The following TEP1 variants were observed in gnomAD, a reference collection of about 807,000 sequenced individuals.
TEP1 encodes the protein telomerase protein component 1.
In TEP1, 241 loss-of-function variants were observed where a neutral mutation model predicts 306.3. That is an observed-to-expected ratio of 0.79 (90% CI 0.71 to 0.88). TEP1 has a LOEUF of 0.88. TEP1 is among the 40% of genes least tolerant of loss of function. The probability of loss-of-function intolerance (pLI) is 0.00; values close to 1 mark genes in which losing one functional copy is unlikely to be tolerated. For missense variants in TEP1, 3,051 were observed against 3,276.1 expected (o/e 0.93, Z 1.68); for synonymous variants, 1,289 against 1,305.5 (o/e 0.99, Z 0.27).
rs761958847 is a variant in TEP1 at position 20,378,827 on chromosome 14, T to C, written c.5279A>G (p.Tyr1760Cys). The C allele has an allele frequency of 1.2e-6, 2 of 1,614,160 alleles. No individual in the cohort carries two copies. The highest frequency in any genetic ancestry group is 1.7e-6 in the Non-Finnish European group (2 of 1,180,014). ...GCTCAGGCAGCAGCCAGTGATTTGGTACTGGTGAGCCTTAGTCTGCAGCAC... is the reference window on the plus strand; with the variant it reads ...GCTCAGGCAGCAGCCAGTGATTTGGCACTGGTGAGCCTTAGTCTGCAGCAC... ...CRVLQTKAHQ[Y>C]QITGCCLSPD... The change falls in exon 37 of 55, where the codon TAC becomes TGC. Residue 1760 changes from tyrosine to cysteine, a missense_variant. Tyr to Cys is a radical substitution (Grantham distance 194, BLOSUM62 -2). Transcript: ENST00000262715.
chr14:20,380,486 G>T lies in TEP1; in HGVS notation c.4763-11C>A, dbSNP rs760908880. Reference sequence around the variant, plus strand: ...TGGGGACTGAAGAAGCTATAAAAGGGTGGCAGAATGTCACTGGGGAGCCAG... The same window carrying T: ...TGGGGACTGAAGAAGCTATAAAAGGTTGGCAGAATGTCACTGGGGAGCCAG... On this transcript the variant is annotated splice_polypyrimidine_tract_variant and intron_variant, in intron 33 of 54. Transcript: ENST00000262715. 1.1e-5 allele frequency: 17 copies of T among 1,604,596 alleles called. No homozygotes were observed. Among genetic ancestry groups the T allele is most frequent in the Non-Finnish European group, 1.4e-5 (16 of 1,176,674 alleles).
chr14:20,405,304 C>A, intron 4 of TEP1, 147 bp downstream of exon 4: 1 of 1,076,094 alleles, frequency 9.3e-7, no homozygotes, highest in Non-Finnish European at 1.3e-6. Flanking sequence ...ACCACAGGGA[C>A]TAGGCCGCAG....
chr14:20,373,974 G>T (rs1448444108), intron 44 of TEP1, among the ~76,000 whole-genome samples, 164 bp from the exon 45 acceptor site: 1 of 152,178 alleles, frequency 6.6e-6, no homozygotes, highest in Non-Finnish European at 1.5e-5. Context: ...GTGGGGTCGG[G>T]TGGCTCAAGT....
Position 20,379,060 on chromosome 14 carries a change from A to C in TEP1, c.5173T>G (p.Leu1725Val), listed in dbSNP as rs1276001956. The C allele has an allele frequency of 6.2e-7, 1 of 1,614,114 alleles. No homozygotes were observed. The highest frequency in any genetic ancestry group is 1.1e-5 in the South Asian group (1 of 91,078). The stretch of plus-strand genomic sequence containing the variant: ...AAGAGTGTATCATCGGAGAGGAACA[A>C]ACAAGCAGAGATTCCATCACAGCCA... ...VSGCDGISAC[L>V]FLSDDTLFLT... The change falls in exon 36 of 55, where the codon TTG becomes GTG. Residue 1725 changes from leucine (L) to valine (V), a missense_variant. Physicochemically the swap from Leu to Val is conservative, Grantham distance 32. Transcript: ENST00000262715.
At chr14:20,407,750 G>T (rs1879292963) in intron 2 of TEP1, 123 bp downstream of exon 2, 7 of 878,682 alleles carry the variant, frequency 8.0e-6, no homozygotes, top group Non-Finnish European at 1.3e-5. Flanking sequence ...CTTAGGAGAG[G>T]CTCTGAGGAG....
Position 20,384,245 on chromosome 14 carries a change from G to A in TEP1, c.3340-13C>T, listed in dbSNP as rs201452233. The A allele has an allele frequency of 3.7e-6, 6 of 1,612,814 alleles. No individual in the cohort carries two copies. In the East Asian group the frequency reaches 1.3e-4, roughly 36 times the overall value. On this transcript the variant is annotated splice_polypyrimidine_tract_variant and intron_variant, in intron 23 of 54. Coordinates refer to ENST00000262715, the MANE Select transcript of TEP1 (RefSeq NM_007110.5). ...GCAGGGCCCCAGGCTGAGGGTAAAT[G>A]GGTCAGTGACTATCCATGGTGCCAT...
intron 1 of TEP1, among the ~76,000 whole-genome samples, chr14:20,413,192 A>G (rs1879806723): frequency 6.6e-6 from 1 of 151,600 alleles, no homozygotes; most frequent in Admixed American, 6.6e-5. Context: ...CCTTTCACGC[A>G]GTATACACTC....
chr14:20,401,331 G>C, intron 8 of TEP1, 126 bp downstream of exon 8: 1 of 1,428,926 alleles, frequency 7.0e-7, no homozygotes, highest in Non-Finnish European at 9.4e-7. Flanking sequence ...AGGCAGTCAT[G>C]TCTACAGGGC....
chr14:20,405,945 G>A (rs900478046), intron 3 of TEP1, among the ~76,000 whole-genome samples: 5 of 149,160 alleles, frequency 3.4e-5, no homozygotes, highest in Non-Finnish European at 5.9e-5. Flanking sequence ...TCAGGAGGCA[G>A]AGGTTGCAAT....
In TEP1 at chr14:20,368,813, T is replaced by A. The variant is rs1884638890; in HGVS notation, c.7746A>T (p.Arg2582Ser). 1 of 1,608,780 alleles carries A rather than the reference T, an allele frequency of 6.2e-7. No homozygotes were observed. Residue 2582 changes from arginine (R) to serine (S), a missense_variant, in exon 54 of 55, where the codon AGA becomes AGT. Transcript: ENST00000262715. ...SKDRDVKLWERPSMQLLGLFR... is the reference protein window; with the variant it reads ...SKDRDVKLWESPSMQLLGLFR... ...ACACACTTACCAGCTGCATACTGGG[T>A]CTCTCCCATAGCTTAACATCTCTGT...
Position 20,368,027 on chromosome 14 carries a change from G to A in TEP1, c.*410C>T, listed in dbSNP as rs1156816247. ...CTCATTCTTTCCCGATGAACTGAAA[G>A]GTCTTCCATGCTCTGTTCAAATTGA... On this transcript the variant is annotated 3_prime_UTR_variant, in exon 55 of 55. Transcript: ENST00000262715. 1 of 158,278 alleles carries A rather than the reference G, an allele frequency of 6.3e-6. No homozygotes were observed. The highest frequency in any genetic ancestry group is 2.4e-5 in the African/African-American group (1 of 41,464). The allele number at this position is 158,278 out of a possible 1,614,324, so 9.8% of individuals were successfully genotyped here.
In TEP1 at chr14:20,372,879, A is replaced by G. The variant is rs147932685; in HGVS notation, c.6952-22T>C. ...GAGCCTGGTGTACACAACAAGTTCA[A>G]TTCAGTGCTTCTGATGAGCCAGGAT... is the stretch of plus-strand genomic sequence containing the variant. On this transcript the variant is annotated intron_variant, in intron 48 of 54. Transcript: ENST00000262715. The G allele has an allele frequency of 8.0e-4, 1,292 of 1,614,126 alleles. 11 individuals carry two copies. In the African/African-American group the frequency reaches 0.015, roughly 19 times the overall value.
chr14:20,377,733 A>AGAC lies in TEP1; in HGVS notation c.5739_5741dup (p.Ser1914dup). On this transcript the variant is annotated inframe_insertion, in exon 40 of 55. Coordinates refer to ENST00000262715, the MANE Select transcript of TEP1 (RefSeq NM_007110.5). ...CCAGGTGCCCACGGGGCCGACCCAG[A>AGAC]GACCCTGACCACACCTGAACCTGGG... is the stretch of plus-strand genomic sequence containing the variant. 1.2e-6 allele frequency: 2 copies of AGAC among 1,613,876 alleles called. No individual in the cohort carries two copies. Among genetic ancestry groups the AGAC allele is most frequent in the Non-Finnish European group, 1.7e-6 (2 of 1,179,978 alleles).
chr14:20,403,519 C>G lies in TEP1; in HGVS notation c.1195-71G>C, dbSNP rs1594372645. 3 of 1,605,956 alleles carry G rather than the reference C, an allele frequency of 1.9e-6. No individual in the cohort carries two copies. The East Asian group carries it at 6.7e-5, about 36-fold the overall frequency. On this transcript the variant is annotated intron_variant, in intron 6 of 54. Transcript: ENST00000262715. ...CCTTGAAGAGATCCAGTCAATAGCCCTGAAGGTGCATCTCTACCAAAAAGG... is the reference window on the plus strand; with the variant it reads ...CCTTGAAGAGATCCAGTCAATAGCCGTGAAGGTGCATCTCTACCAAAAAGG...
In TEP1 at chr14:20,374,533, A is replaced by G. The variant is rs757753303; in HGVS notation, c.6367T>C (p.Ser2123Pro). 45 of 1,610,580 alleles carry G rather than the reference A, an allele frequency of 2.8e-5. No homozygotes were observed. The highest frequency in any genetic ancestry group is 3.6e-5 in the Non-Finnish European group (42 of 1,178,282). Residue 2123 changes from serine to proline, a missense_variant, in exon 44 of 55, where the codon TCC becomes CCC. Coordinates refer to ENST00000262715, the MANE Select transcript of TEP1 (RefSeq NM_007110.5). ...CCCACAGAGCCATCACTGGAGCAGGATATCTACAGAGTCAGAAGTCAGAGG... is the reference window on the plus strand; with the variant it reads ...CCCACAGAGCCATCACTGGAGCAGGGTATCTACAGAGTCAGAAGTCAGAGG... Reference protein sequence around the residue: ...CAWTKDNLLISCSSDGSVGLW... With the variant: ...CAWTKDNLLIPCSSDGSVGLW...
At chr14:20,410,448 A>G (rs944815250) in intron 1 of TEP1, among the ~76,000 whole-genome samples, 31 of 152,080 alleles carry the variant, frequency 2.0e-4, no homozygotes, top group African/African-American at 7.5e-4. Flanking sequence ...TTTGAGACAG[A>G]GTCTTGCTCT....
chr14:20,380,557 C>T (rs1013174853), intron 33 of TEP1, 82 bp from the exon 34 acceptor site: 18 of 1,502,742 alleles, frequency 1.2e-5, no homozygotes, highest in Non-Finnish European at 1.6e-5. Context: ...TATGGTGTGT[C>T]TACAATAGTA....
At chr14:20,388,099 C>T (rs766992700) in intron 17 of TEP1, 36 bp from the exon 18 acceptor site, 9 of 1,610,106 alleles carry the variant, frequency 5.6e-6, no homozygotes, top group Non-Finnish European at 7.6e-6. Context: ...GAGTAGAATA[C>T]CACAGGTCGA....
chr14:20,395,364 AAC>A, intron 12 of TEP1, 84 bp downstream of exon 12: 8 of 1,382,178 alleles, frequency 5.8e-6, no homozygotes, highest in Non-Finnish European at 7.8e-6. Flanking sequence ...TTTACAGAAA[AAC>A]AGTTGGGATT....
Sources: allele counts gnomAD v4.1 joint callset (sites outside exome capture counted in the v4.1 genomes callset), GRCh38; gene constraint gnomAD v4.1.1; transcripts MANE v1.5; gene names NCBI Gene and HGNC (gene_info 2026-07-23, HGNC 2026-07-21).